UMOD: variants seen among roughly 807,000 people sequenced by gnomAD.
UMOD encodes uromodulin, also known as Tamm-Horsfall urinary glycoprotein.
Under a neutral mutation model 66.0 loss-of-function variants are expected in UMOD, and 64 were observed. The ratio of observed to expected loss-of-function variants is 0.97; its 90% confidence interval spans 0.79 to 1.19. UMOD has a LOEUF of 1.19. Among genes scored for constraint, UMOD ranks in the 50% most tolerant of loss-of-function variants. UMOD has a pLI of 0.00. For missense variants in UMOD, 764 were observed against 850.9 expected (o/e 0.90, Z 1.27); for synonymous variants, 398 against 352.7 (o/e 1.13, Z -1.44).
upstream of UMOD, chr16:20,352,857 T>C: frequency 3.0e-6 from 2 of 673,854 alleles, no homozygotes; most frequent in Non-Finnish European, 4.2e-6. Context: ...GTTTGCCTTG[T>C]CCAAGCTGTG....
chr16:20,338,227 A>G (rs1964987304), intron 7 of UMOD, among the ~76,000 whole-genome samples: 1 of 152,060 alleles, frequency 6.6e-6, no homozygotes, highest in South Asian at 2.1e-4. Flanking sequence ...AGTGGACTCA[A>G]CTCCTGAAAG....
chr16:20,340,670 A>G (rs1455352974), intron 7 of UMOD, among the ~76,000 whole-genome samples: 1 of 152,008 alleles, frequency 6.6e-6, no homozygotes, highest in East Asian at 1.9e-4. Context: ...TGGGAATGCT[A>G]AGGTTCAGCT....
chr16:20,339,043 G>A (rs1237185564), intron 7 of UMOD, among the ~76,000 whole-genome samples: 1 of 152,246 alleles, frequency 6.6e-6, no homozygotes, highest in Non-Finnish European at 1.5e-5. Flanking sequence ...TTACAGGCGT[G>A]AGCCATCGTG....
chr16:20,336,687 T>C lies in UMOD; in HGVS notation c.1781A>G (p.Asp594Gly), dbSNP rs1294363977. The change falls in exon 9 of 11, where the codon GAT becomes GGT. Residue 594 changes from aspartate to glycine, a missense_variant. Physicochemically the swap from Asp to Gly is moderately conservative, Grantham distance 94. Coordinates refer to ENST00000396138, the MANE Select transcript of UMOD (RefSeq NM_003361.4). ...GTRFRSGSVI[D>G]QSRVLNLGPI... is the part of the protein sequence containing the mutation. The stretch of plus-strand genomic sequence containing the variant: ...ACCCAAGTTCAGGACACGGGATTGA[T>C]CTATGACACTCCCACTTCGGAATCT... 14 of 1,614,016 alleles carry C rather than the reference T, an allele frequency of 8.7e-6. No individual in the cohort carries two copies. The highest frequency in any genetic ancestry group is 2.2e-5 in the East Asian group (1 of 44,894).
At chr16:20,343,895 C>T in intron 6 of UMOD, 129 bp downstream of exon 6, 2 of 1,139,280 alleles carry the variant, frequency 1.8e-6, no homozygotes, top group Non-Finnish European at 2.5e-6. Flanking sequence ...CTGGCTCTTC[C>T]ATTGGGCAAC....
intron 1 of UMOD, among the ~76,000 whole-genome samples, chr16:20,351,892 C>A (rs981486925): frequency 2.0e-5 from 3 of 151,640 alleles, no homozygotes; most frequent in African/African-American, 7.3e-5. Flanking sequence ...GTGGTGGGCG[C>A]CTGTAATCCC....
Position 20,350,835 on chromosome 16 carries a change from G to C in UMOD, c.-98C>G. The C allele has an allele frequency of 6.4e-7, 1 of 1,573,792 alleles. No homozygotes were observed. Among genetic ancestry groups the C allele is most frequent in the Non-Finnish European group, 8.6e-7 (1 of 1,160,540 alleles). On this transcript the variant is annotated 5_prime_UTR_variant, in exon 2 of 11. Transcript: ENST00000396138. ...TTTTTCTCTCTGTCTCTGATGTCTG[G>C]TGTCCTGTGAACAGAGATGGATGGG...
rs1176343271 is a variant in UMOD, at chr16:20,341,218, A to C, written c.1450T>G (p.Phe484Val). 1 of 1,613,930 alleles carries C rather than the reference A, an allele frequency of 6.2e-7. No homozygotes were observed. Among genetic ancestry groups the C allele is most frequent in the Non-Finnish European group, 8.5e-7 (1 of 1,180,012 alleles). The change falls in exon 7 of 11, where the codon TTT (phenylalanine) becomes GTT (valine). Residue 484 changes from phenylalanine to valine, a missense_variant. Coordinates refer to ENST00000396138, the MANE Select transcript of UMOD (RefSeq NM_003361.4). Reference protein sequence around the residue: ...GSSVTLSTEAFLYVGTMLDGG... With the variant: ...GSSVTLSTEAVLYVGTMLDGG... ...TCCAACATGGTGCCCACGTAGAGAAAAGCCTCAGTGGACAGTGTCACGGAG... is the reference window on the plus strand; with the variant it reads ...TCCAACATGGTGCCCACGTAGAGAACAGCCTCAGTGGACAGTGTCACGGAG...
chr16:20,333,734 C>T (rs111853891), intron 10 of UMOD, among the ~76,000 whole-genome samples: 1 of 152,044 alleles, frequency 6.6e-6, no homozygotes, highest in Non-Finnish European at 1.5e-5. Context: ...TGAACTAGTT[C>T]AGGTCAAATG....
chr16:20,334,763 AT>A (rs1204513380), intron 10 of UMOD, among the ~76,000 whole-genome samples: 1 of 151,608 alleles, frequency 6.6e-6, no homozygotes, highest in Non-Finnish European at 1.5e-5. Context: ...GGGGTTTCTT[AT>A]TTGTTGTGTT....
chr16:20,348,151 G>A (rs1479667442), intron 4 of UMOD, 72 bp downstream of exon 4: 2 of 1,358,748 alleles, frequency 1.5e-6, no homozygotes, highest in African/African-American at 1.4e-5. Flanking sequence ...CAATCTCACA[G>A]GGGAGGAATG....
At chr16:20,341,617 C>T (rs906999733) in intron 6 of UMOD, among the ~76,000 whole-genome samples, 1 of 152,192 alleles carries the variant, frequency 6.6e-6, no homozygotes, top group African/African-American at 2.4e-5. Flanking sequence ...TGCTGCTGGT[C>T]TATGGATCAA....
intron 6 of UMOD, 77 bp from the exon 7 acceptor site, chr16:20,341,413 C>A (rs1250005891): frequency 1.9e-6 from 3 of 1,598,052 alleles, no homozygotes; most frequent in Non-Finnish European, 1.7e-6. Context: ...GATTTGCATT[C>A]CTAGGCAGTC....
chr16:20,334,404 C>T (rs1471533418), intron 10 of UMOD, among the ~76,000 whole-genome samples: 1 of 152,100 alleles, frequency 6.6e-6, no homozygotes, highest in Non-Finnish European at 1.5e-5. Context: ...CCTTTGGGTA[C>T]AGGTTTCCAA....
At chr16:20,334,670 A>G (rs1013631501) in intron 10 of UMOD, among the ~76,000 whole-genome samples, 1 of 152,018 alleles carries the variant, frequency 6.6e-6, no homozygotes, top group African/African-American at 2.4e-5. Context: ...CCATAGATAC[A>G]GTTGCCTCTT....
intron 9 of UMOD, among the ~76,000 whole-genome samples, 188 bp downstream of exon 9, chr16:20,336,458 A>G (rs1168755856): frequency 1.3e-5 from 2 of 152,210 alleles, no homozygotes; most frequent in African/African-American, 4.8e-5. Context: ...ATATTTGTCC[A>G]ATGAATGGGT....
At chr16:20,352,371 A>G (rs945218660) in intron 1 of UMOD, among the ~76,000 whole-genome samples, 2 of 152,200 alleles carry the variant, frequency 1.3e-5, no homozygotes, top group African/African-American at 4.8e-5. Flanking sequence ...CACTGGGATT[A>G]ACTAAGATGA....
At chr16:20,350,510 C>G (rs1965837752) in intron 2 of UMOD, 140 bp downstream of exon 2, 1 of 1,177,534 alleles carries the variant, frequency 8.5e-7, no homozygotes, top group Admixed American at 2.0e-5. Flanking sequence ...AAGAAATGGA[C>G]TTAGAATGAA....
chr16:20,355,948 C>T (rs961149654), upstream of UMOD, among the ~76,000 whole-genome samples: 5 of 152,172 alleles, frequency 3.3e-5, no homozygotes, highest in African/African-American at 1.2e-4. Flanking sequence ...ACTCAAATCT[C>T]ACTCAGATTT....
Sources: allele counts gnomAD v4.1 joint callset (sites outside exome capture counted in the v4.1 genomes callset), GRCh38; gene constraint gnomAD v4.1.1; transcripts MANE v1.5; gene names NCBI Gene and HGNC (gene_info 2026-07-23, HGNC 2026-07-21).